CCSER1: variants seen among roughly 807,000 people sequenced by gnomAD.
CCSER1 encodes the protein serine-rich coiled-coil domain-containing protein 1.
In CCSER1, 41 loss-of-function variants were observed where a neutral mutation model predicts 82.0. That is an observed-to-expected ratio of 0.50 (90% confidence interval 0.39 to 0.65). The LOEUF is 0.65. CCSER1 is among the 30% of genes least tolerant of loss of function. The pLI is 0.00. For synonymous variants in CCSER1, 414 were observed against 383.9 expected, an observed-to-expected ratio of 1.08 and a Z score of -0.92; for missense variants, 1,119 against 1,064.2, an observed-to-expected ratio of 1.05 and a Z score of -0.72.
chr4:91,376,818 T>C (rs543858076), intron 10 of CCSER1, among the ~76,000 whole-genome samples: 1 of 152,258 alleles, frequency 6.6e-6, no homozygotes, highest in African/African-American at 2.4e-5. Context: ...GCAGGTTTGT[T>C]ACATATGTAT....
intron 5 of CCSER1, among the ~76,000 whole-genome samples, chr4:90,512,299 A>C (rs547820114): frequency 6.6e-6 from 1 of 150,706 alleles, no homozygotes; most frequent in South Asian, 2.1e-4. Context: ...AATTTCTTGA[A>C]TTCCAAGCAA....
rs1417969361 is a variant in CCSER1 at position 91,601,132 on chromosome 4, T to C, written c.*2075T>C. ...AGAACTATGTATCACAAATAATGTT[T>C]TTGATTTGGACTTTTGGAGTTGATA... On this transcript the variant is annotated 3_prime_UTR_variant, in exon 11 of 11. Coordinates refer to ENST00000509176, the MANE Select transcript of CCSER1 (RefSeq NM_001145065.2). 6.6e-6 allele frequency: 1 copy of C among 152,092 alleles called. No individual in the cohort carries two copies. Among genetic ancestry groups the C allele is most frequent in the East Asian group, 1.9e-4 (1 of 5,190 alleles). The allele number at this position is 152,092 out of a possible 1,614,324, so 9.4% of individuals were successfully genotyped here.
intron 8 of CCSER1, among the ~76,000 whole-genome samples, chr4:90,867,046 C>T (rs1398899431): frequency 4.6e-5 from 7 of 151,970 alleles, no homozygotes; most frequent in Non-Finnish European, 7.4e-5. Flanking sequence ...GATTGAGGAT[C>T]GCTAATCTAG....
intron 5 of CCSER1, among the ~76,000 whole-genome samples, chr4:90,475,924 C>T (rs187756808): frequency 2.0e-5 from 3 of 152,146 alleles, no homozygotes; most frequent in African/African-American, 4.8e-5. Flanking sequence ...AATGCATTAG[C>T]TGTACCACTG....
chr4:90,703,735 C>G (rs916275736), intron 6 of CCSER1, among the ~76,000 whole-genome samples: 6 of 152,152 alleles, frequency 3.9e-5, no homozygotes, highest in African/African-American at 1.4e-4. Flanking sequence ...TAATGTCCTT[C>G]TTTGTCTCTT....
chr4:91,599,290 T>C lies in CCSER1; in HGVS notation c.*233T>C, dbSNP rs1764726676. 6.9e-6 allele frequency: 3 copies of C among 436,814 alleles called. No homozygotes were observed. The South Asian group carries it at 1.5e-4, about 21-fold the overall frequency. The allele number at this position is 436,814 out of a possible 1,614,324, so 27.1% of individuals were successfully genotyped here. Reference sequence around the variant, plus strand: ...TTGCATTGCCTTGAAGACTTTACTATATAGGTGTATAATAAATGGGACCAT... The same window carrying C: ...TTGCATTGCCTTGAAGACTTTACTACATAGGTGTATAATAAATGGGACCAT... On this transcript the variant is annotated 3_prime_UTR_variant, in exon 11 of 11. Coordinates refer to ENST00000509176, the MANE Select transcript of CCSER1 (RefSeq NM_001145065.2).
At chr4:90,425,879 T>C (rs1044830151) in intron 4 of CCSER1, among the ~76,000 whole-genome samples, 1 of 151,430 alleles carries the variant, frequency 6.6e-6, no homozygotes. Flanking sequence ...TAGTAACAAA[T>C]AAAGCTGTGC....
At chr4:91,000,274 A>ACTATAT (rs2150474700) in intron 9 of CCSER1, among the ~76,000 whole-genome samples, 1 of 136,124 alleles carries the variant, frequency 7.3e-6, no homozygotes, top group East Asian at 2.1e-4. Flanking sequence ...AGTATAGTAT[A>ACTATAT]GTATGTATAG....
chr4:91,540,158 G>A (rs1214727100), intron 10 of CCSER1, among the ~76,000 whole-genome samples: 1 of 151,956 alleles, frequency 6.6e-6, no homozygotes, highest in Non-Finnish European at 1.5e-5. Flanking sequence ...TCCTCTACTA[G>A]CACAGCCTTC....
chr4:91,023,429 A>G (rs888109600), intron 9 of CCSER1, among the ~76,000 whole-genome samples: 30 of 152,334 alleles, frequency 2.0e-4, no homozygotes, highest in African/African-American at 6.5e-4. Flanking sequence ...ACAGTAACCA[A>G]AACAGGATGG....
At chr4:90,247,749 A>C (rs1344373085) in intron 1 of CCSER1, among the ~76,000 whole-genome samples, 1 of 152,018 alleles carries the variant, frequency 6.6e-6, no homozygotes, top group Non-Finnish European at 1.5e-5. Flanking sequence ...TGGGCTATTA[A>C]ATGAATTCTA....
intron 10 of CCSER1, among the ~76,000 whole-genome samples, chr4:91,281,159 C>G (rs1742882531): frequency 6.6e-6 from 1 of 152,192 alleles, no homozygotes; most frequent in African/African-American, 2.4e-5. Flanking sequence ...CCCAGCTGTT[C>G]CCAGTTGAGC....
intron 8 of CCSER1, among the ~76,000 whole-genome samples, chr4:90,848,809 C>T (rs11935538): frequency 0.2 from 30,211 of 152,104 alleles, 3,108 homozygotes; most frequent in Non-Finnish European, 0.22. Context: ...TGAGTTCTCA[C>T]GAGATCTGAT....
chr4:91,340,399 A>AT (rs1279535724), intron 10 of CCSER1, among the ~76,000 whole-genome samples: 1 of 152,124 alleles, frequency 6.6e-6, no homozygotes, highest in African/African-American at 2.4e-5. Flanking sequence ...GTAAAGAAGA[A>AT]TTTTTTTCCC....
At chr4:91,481,086 C>T (rs1321108511) in intron 10 of CCSER1, among the ~76,000 whole-genome samples, 1 of 141,170 alleles carries the variant, frequency 7.1e-6, no homozygotes, top group African/African-American at 2.6e-5. Flanking sequence ...CCACCCCTGC[C>T]TTCCCTTCCC....
chr4:91,177,692 A>G (rs540092105), intron 10 of CCSER1, among the ~76,000 whole-genome samples: 5 of 152,184 alleles, frequency 3.3e-5, no homozygotes, highest in South Asian at 2.1e-4. Context: ...TAATACATCT[A>G]TTTGATTCTT....
chr4:90,248,820 T>A (rs1721883613), intron 1 of CCSER1, among the ~76,000 whole-genome samples: 1 of 151,820 alleles, frequency 6.6e-6, no homozygotes, highest in Non-Finnish European at 1.5e-5. Flanking sequence ...ACTTCACCCT[T>A]TCAAGTAGCT....
chr4:90,773,339 T>A (rs6532241), intron 7 of CCSER1, among the ~76,000 whole-genome samples: 88,761 of 152,046 alleles, frequency 0.58, 26,203 homozygotes, highest in African/African-American at 0.66. Flanking sequence ...TGCTTTTTGA[T>A]TGGCAGCCTT....
chr4:91,271,785 G>A (rs949902270), intron 10 of CCSER1, among the ~76,000 whole-genome samples: 2 of 151,594 alleles, frequency 1.3e-5, no homozygotes, highest in African/African-American at 2.4e-5. Context: ...ACGGAGTTTC[G>A]CTCTTGTTGC....
Sources: allele counts gnomAD v4.1 joint callset (sites outside exome capture counted in the v4.1 genomes callset), GRCh38; gene constraint gnomAD v4.1.1; transcripts MANE v1.5; gene names NCBI Gene and HGNC (gene_info 2026-07-23, HGNC 2026-07-21).